The following USP39 variants were observed in gnomAD, a reference collection of about 807,000 sequenced individuals.
USP39 encodes ubiquitin carboxyl-terminal hydrolase 39.
USP39 carries 38 observed loss-of-function variants against 66.4 expected under a neutral mutation model. The ratio of observed to expected loss-of-function variants is 0.57; its 90% CI spans 0.44 to 0.75. USP39 has a LOEUF of 0.75. Ranked by LOEUF, USP39 falls within the 30% of genes least tolerant of loss-of-function variation. The pLI is 0.00. For synonymous variants in USP39, 303 were observed against 274.6 expected, an observed-to-expected ratio of 1.10 and a Z score of -1.02; for missense variants, 608 against 714.4, an observed-to-expected ratio of 0.85 and a Z score of 1.70.
chr2:85,608,136 T>C (rs557367045), upstream of USP39: 37 of 152,248 alleles, frequency 2.4e-4, no homozygotes, highest in Non-Finnish European at 4.8e-4. Flanking sequence ...AAGTTGAAAG[T>C]TGGAATTCTG....
chr2:85,637,284 A>G, intron 7 of USP39, 85 bp from the exon 8 acceptor site: 1 of 1,487,774 alleles, frequency 6.7e-7, no homozygotes, highest in Non-Finnish European at 9.3e-7. Flanking sequence ...ATGCTGGTTT[A>G]TTTCAGAAAT....
At chr2:85,645,277 CTT>C (rs61391085) in intron 11 of USP39, 194 bp downstream of exon 11, 22,395 of 359,692 alleles carry the variant, frequency 0.062, no homozygotes, top group South Asian at 0.091. Context: ...ACCTTGGGAG[CTT>C]TTTTTTTTTT....
upstream of USP39, among the ~76,000 whole-genome samples, chr2:85,613,406 G>A (rs1558842816): frequency 1.3e-5 from 2 of 152,098 alleles, no homozygotes. Context: ...CAGCTACTTG[G>A]GAGGCTGAGG....
At chr2:85,640,905 A>G (rs1676187435) in intron 9 of USP39, 71 bp from the exon 10 acceptor site, 1 of 1,448,104 alleles carries the variant, frequency 6.9e-7, no homozygotes, top group African/African-American at 1.4e-5. Context: ...ATCGAAATGA[A>G]AAACTCATGC....
intron 6 of USP39, among the ~76,000 whole-genome samples, chr2:85,634,566 G>A (rs532965372): frequency 6.6e-6 from 1 of 152,160 alleles, no homozygotes; most frequent in East Asian, 1.9e-4. Context: ...AGAGTGAGAC[G>A]CTGTGTCGCG....
At chr2:85,644,841 G>T (rs1441110348) in intron 10 of USP39, 107 bp from the exon 11 acceptor site, 27 of 1,457,384 alleles carry the variant, frequency 1.9e-5, no homozygotes, top group Non-Finnish European at 2.3e-5. Context: ...CCAGAGAAAG[G>T]GTCCTAAAAT....
upstream of USP39, chr2:85,612,451 G>A: frequency 1.5e-6 from 2 of 1,311,670 alleles, no homozygotes; most frequent in Non-Finnish European, 2.1e-6. Context: ...TAGTAAATGG[G>A]AACACCTAGA....
rs1282343551 is a variant in USP39, at chr2:85,619,090, A to G, written c.269-130A>G. ...CCGGCTAGTGGACTTTTTTTTCGAT[A>G]TTGTTGCCACCCAAACAATAGGAAC... is the stretch of plus-strand genomic sequence containing the variant. On this transcript the variant is annotated intron_variant, in intron 1 of 12. Coordinates refer to ENST00000323701, the MANE Select transcript of USP39 (RefSeq NM_006590.4). 4 of 1,076,140 alleles carry G rather than the reference A, an allele frequency of 3.7e-6. No individual in the cohort carries two copies. In the African/African-American group the frequency reaches 4.8e-5, roughly 13 times the overall value. The allele number at this position is 1,076,140 out of a possible 1,614,324, so 66.7% of individuals were successfully genotyped here. A position where few individuals can be genotyped will look rare whatever the true frequency, so the allele number is the denominator to read the frequency against.
intron 5 of USP39, among the ~76,000 whole-genome samples, chr2:85,627,353 T>C (rs13406807): frequency 0.45 from 68,780 of 152,026 alleles, 18,237 homozygotes; most frequent in African/African-American, 0.75. Flanking sequence ...CCTGAGCTTC[T>C]GAAAGTGCTG....
intron 4 of USP39, among the ~76,000 whole-genome samples, chr2:85,625,028 C>T (rs957658685): frequency 1.7e-4 from 26 of 151,714 alleles, no homozygotes; most frequent in Middle Eastern, 3.4e-3. Flanking sequence ...TTCAGTGTTT[C>T]AAAGTGAGTT....
rs149212771 is a variant in USP39 at position 85,649,090 on chromosome 2, G to T, written c.*282G>T. ...GGGCAGAACCCTTCTCCAGATGTGT[G>T]TAACTTATGTCTTGAGTATCTGGGA... On this transcript the variant is annotated 3_prime_UTR_variant, in exon 13 of 13. Transcript: ENST00000323701. 1.1e-5 allele frequency: 4 copies of T among 378,002 alleles called. No homozygotes were observed. Among genetic ancestry groups the T allele is most frequent in the Non-Finnish European group, 1.8e-5 (4 of 224,226 alleles). The allele number at this position is 378,002 out of a possible 1,614,324, so 23.4% of individuals were successfully genotyped here. A position where few individuals can be genotyped will look rare whatever the true frequency, so the allele number is the denominator to read the frequency against.
chr2:85,616,200 C>G lies in USP39; in HGVS notation c.5C>G (p.Ser2Cys). The change falls in exon 1 of 13, where the codon TCC (serine) becomes TGC (cysteine). Residue 2 changes from serine to cysteine, a missense_variant. This residue lies in a region of USP39 where 207 missense variants were observed against 145.7 expected (regional missense o/e 1.42). Transcript: ENST00000323701. Reference sequence around the variant, plus strand: ...ACGACTCGGCCGGTAGTGGAGATGTCCGGCCGGTCTAAGCGGGAGTCTCGC... The same window carrying G: ...ACGACTCGGCCGGTAGTGGAGATGTGCGGCCGGTCTAAGCGGGAGTCTCGC... MSGRSKRESRGS... is the reference protein window; with the variant it reads MCGRSKRESRGS... 1.4e-6 allele frequency: 2 copies of G among 1,449,462 alleles called. No individual in the cohort carries two copies. Among genetic ancestry groups the G allele is most frequent in the Non-Finnish European group, 1.8e-6 (2 of 1,100,304 alleles). The allele number at this position is 1,449,462 out of a possible 1,614,324, so 89.8% of individuals were successfully genotyped here. A position where few individuals can be genotyped will look rare whatever the true frequency, so the allele number is the denominator to read the frequency against.
At chr2:85,638,305 A>T (rs944060556) in intron 8 of USP39, among the ~76,000 whole-genome samples, 1 of 151,844 alleles carries the variant, frequency 6.6e-6, no homozygotes, top group Non-Finnish European at 1.5e-5. Flanking sequence ...TACAGACATG[A>T]GCCACCGTGC....
At chr2:85,611,910 G>T, upstream of USP39, 1 of 1,592,780 alleles carries the variant, frequency 6.3e-7, no homozygotes. Flanking sequence ...TATGGTGCAC[G>T]AAGCCGTGGT....
intron 1 of USP39, among the ~76,000 whole-genome samples, chr2:85,604,161 A>T (rs1333193544): frequency 6.6e-6 from 1 of 152,184 alleles, no homozygotes; most frequent in Admixed American, 6.5e-5. Context: ...AAGAGGGAGA[A>T]ACCTTCTTGG....
At chr2:85,629,126 C>T (rs1020122993) in intron 5 of USP39, among the ~76,000 whole-genome samples, 9 of 152,036 alleles carry the variant, frequency 5.9e-5, no homozygotes, top group South Asian at 4.1e-4. Context: ...TGCAATGGCG[C>T]GATCTTGGCT....
intron 10 of USP39, 84 bp downstream of exon 10, chr2:85,641,202 C>A: frequency 6.4e-7 from 1 of 1,558,646 alleles, no homozygotes; most frequent in Non-Finnish European, 8.8e-7. Flanking sequence ...TAATTTTGGA[C>A]TGTCTTAGTT....
At chr2:85,608,973 T>C (rs374124839), upstream of USP39, 6 of 1,614,060 alleles carry the variant, frequency 3.7e-6, no homozygotes, top group Non-Finnish European at 5.1e-6. Context: ...CTTTGCAATC[T>C]CCTCCTGGAT....
At chr2:85,623,358 T>C (rs933452782) in intron 3 of USP39, among the ~76,000 whole-genome samples, 33 of 149,334 alleles carry the variant, frequency 2.2e-4, no homozygotes, top group African/African-American at 7.3e-4. Flanking sequence ...TATATAGATA[T>C]ATATATAGGT....
Sources: gnomAD v4.1 joint callset for allele counts (sites outside exome capture counted in the v4.1 genomes callset) on GRCh38, gnomAD v4.1.1 for gene constraint, gnomAD v4.1.1 regional missense constraint, MANE v1.5 for transcripts, NCBI Gene and HGNC (gene_info 2026-07-23, HGNC 2026-07-21) for gene names.